CACNA1C: variants seen among roughly 807,000 people sequenced by gnomAD.
The protein encoded by CACNA1C is voltage-dependent L-type calcium channel subunit alpha-1C.
In CACNA1C, 30 loss-of-function variants were observed where a neutral mutation model predicts 229.0. The observed-to-expected ratio is 0.13, with a 90% CI of 0.10 to 0.18. The LOEUF is 0.18. Among genes scored for constraint, CACNA1C ranks in the 10% least tolerant of loss-of-function variants. The probability of loss-of-function intolerance (pLI) is 1.00; values close to 1 mark genes in which losing one functional copy is unlikely to be tolerated. For missense variants in CACNA1C, 1,658 were observed against 2,845.0 expected (o/e 0.58, Z 9.49); for synonymous variants, 1,114 against 1,132.5 (o/e 0.98, Z 0.33).
At chr12:2,593,558 C>G (rs978078974) in intron 19 of CACNA1C, among the ~76,000 whole-genome samples, 3 of 152,156 alleles carry the variant, frequency 2.0e-5, no homozygotes, top group African/African-American at 7.2e-5. Context: ...TGTTTAAACT[C>G]TATTTCTATT....
In CACNA1C at chr12:2,036,481, CT is replaced by C. The variant is rs967389311; in HGVS notation, c.139+65289del. On this transcript the variant is annotated intron_variant, in intron 1 of 46. Coordinates refer to the CACNA1C transcript ENST00000682462. ...TTTCATCCTCCCTCCCCTTTCCTAT[CT>C]TTTTTTTTGAGACAGAGTCTTGCTT... Among the ~76,000 whole-genome samples, 68 of 151,686 alleles carry C rather than the reference CT, an allele frequency of 4.5e-4. 1 individual carries two copies. In the South Asian group the frequency reaches 0.014, roughly 31 times the overall value.
intron 30 of CACNA1C, among the ~76,000 whole-genome samples, chr12:2,638,792 G>T (rs894811014): frequency 2.0e-5 from 3 of 152,218 alleles, no homozygotes; most frequent in African/African-American, 7.2e-5. Flanking sequence ...GAGCAGGTAG[G>T]CAAGGAGGCG....
At chr12:2,074,175 A>G (rs1164268980) in intron 1 of CACNA1C, among the ~76,000 whole-genome samples, 1 of 151,742 alleles carries the variant, frequency 6.6e-6, no homozygotes, top group East Asian at 1.9e-4. Flanking sequence ...TAATGTAGGA[A>G]AAAACATCTG....
At chr12:2,155,166 G>A (rs1214907111) in intron 3 of CACNA1C, among the ~76,000 whole-genome samples, 3 of 152,182 alleles carry the variant, frequency 2.0e-5, no homozygotes, top group Non-Finnish European at 2.9e-5. Context: ...GGTGTGTCAT[G>A]GGCGTTGTTT....
At chr12:2,413,512 GACA>G (rs1322855001) in intron 3 of CACNA1C, among the ~76,000 whole-genome samples, 4 of 152,092 alleles carry the variant, frequency 2.6e-5, no homozygotes, top group Non-Finnish European at 5.9e-5. Flanking sequence ...TATTGGACCA[GACA>G]TGTGTCAACA....
chr12:2,098,241 T>G (rs2075069698), intron 1 of CACNA1C, among the ~76,000 whole-genome samples: 1 of 152,204 alleles, frequency 6.6e-6, no homozygotes, highest in South Asian at 2.1e-4. Context: ...CCTTCTACCT[T>G]CTTGTCTGCC....
intron 3 of CACNA1C, among the ~76,000 whole-genome samples, chr12:2,320,020 G>A (rs1170134840): frequency 6.6e-6 from 1 of 152,162 alleles, no homozygotes; most frequent in African/African-American, 2.4e-5. Flanking sequence ...TCTGAAGTCT[G>A]CAGCCAAGTA....
intron 30 of CACNA1C, among the ~76,000 whole-genome samples, chr12:2,642,789 G>A (rs778659544): frequency 1.1e-4 from 16 of 152,220 alleles, no homozygotes; most frequent in Admixed American, 3.3e-4. Flanking sequence ...GTTGGTGGAG[G>A]TTGGTTGGTT....
chr12:2,542,164 G>A (rs1159564357), intron 9 of CACNA1C, among the ~76,000 whole-genome samples: 2 of 152,154 alleles, frequency 1.3e-5, no homozygotes, highest in Non-Finnish European at 1.5e-5. Context: ...AAACTAAAGT[G>A]GTTCTGACTC....
intron 3 of CACNA1C, among the ~76,000 whole-genome samples, chr12:2,177,587 CCCTT>C (rs1555274712): frequency 0.14 from 10,926 of 77,802 alleles, 1,012 homozygotes; most frequent in East Asian, 0.54. Context: ...CTCCCTCCCT[CCCTT>C]CCTTCCTTCC....
chr12:2,241,860 C>A (rs549091935), intron 3 of CACNA1C, among the ~76,000 whole-genome samples: 1 of 152,178 alleles, frequency 6.6e-6, no homozygotes, highest in Non-Finnish European at 1.5e-5. Flanking sequence ...AGTGGGTCCG[C>A]AGTAAATTTT....
chr12:2,493,025 T>C lies in CACNA1C; in HGVS notation c.917-165T>C, dbSNP rs1320912254. On this transcript the variant is annotated intron_variant, in intron 6 of 46. Coordinates refer to ENST00000399655, the MANE Select transcript of CACNA1C (RefSeq NM_000719.7). The surrounding 1 kb of genome is among the most constrained non-coding windows in gnomAD (Gnocchi z 4.6). The stretch of plus-strand genomic sequence containing the variant: ...AGCCTACTTTCTTGTGTTGCTTAAT[T>C]CACATCTGGGGACCTGATTTAAACA... Among the ~76,000 whole-genome samples the C allele has an allele frequency of 6.6e-6, 1 of 152,226 alleles. No homozygotes were observed. Among genetic ancestry groups the C allele is most frequent in the Non-Finnish European group, 1.5e-5 (1 of 68,042 alleles).
At chr12:2,416,359 T>G (rs2098900457) in intron 3 of CACNA1C, among the ~76,000 whole-genome samples, 3 of 146,632 alleles carry the variant, frequency 2.0e-5, no homozygotes, top group Non-Finnish European at 3.0e-5. Flanking sequence ...GAAGGAGTGG[T>G]GGAAGAAAAG....
chr12:2,475,594 T>C (rs2099622763), intron 5 of CACNA1C, among the ~76,000 whole-genome samples: 1 of 152,080 alleles, frequency 6.6e-6, no homozygotes, highest in African/African-American at 2.4e-5. Context: ...AAAAAGGCAG[T>C]GAATGGATTT....
At chr12:2,442,761 G>A (rs527498289) in intron 3 of CACNA1C, among the ~76,000 whole-genome samples, 5 of 152,344 alleles carry the variant, frequency 3.3e-5, no homozygotes, top group South Asian at 4.1e-4. Flanking sequence ...CAAAGGGGGA[G>A]CAGGCACATC....
At chr12:2,223,378 G>T (rs2061989165) in intron 3 of CACNA1C, 1 of 152,202 alleles carries the variant, frequency 6.6e-6, no homozygotes, top group Admixed American at 6.5e-5. Flanking sequence ...TTACCAACAA[G>T]GATACCTGTT....
chr12:1,987,568 G>A (rs892724554), intron 1 of CACNA1C, among the ~76,000 whole-genome samples: 2 of 152,092 alleles, frequency 1.3e-5, no homozygotes, highest in Non-Finnish European at 1.5e-5. Flanking sequence ...ATCTACGACA[G>A]TTCTTTCTGC....
At chr12:2,105,423 C>T (rs2077854201) in intron 1 of CACNA1C, among the ~76,000 whole-genome samples, 2 of 152,206 alleles carry the variant, frequency 1.3e-5, no homozygotes, top group African/African-American at 4.8e-5. Flanking sequence ...CTGGGCACCC[C>T]ACCTCTCATG....
intron 2 of CACNA1C, among the ~76,000 whole-genome samples, chr12:2,116,028 G>C (rs1488133921): frequency 6.6e-6 from 1 of 152,202 alleles, no homozygotes; most frequent in Non-Finnish European, 1.5e-5. Flanking sequence ...ATGGAAGAGC[G>C]TAGTGGTCAG....
Sources: gnomAD v4.1 joint callset for allele counts (sites outside exome capture counted in the v4.1 genomes callset) on GRCh38, gnomAD v4.1.1 for gene constraint, Gnocchi (gnomAD v3.1) non-coding constraint, MANE v1.5 for transcripts, NCBI Gene and HGNC (gene_info 2026-07-23, HGNC 2026-07-21) for gene names.